The following CDH13 variants were observed in gnomAD, a reference collection of about 807,000 sequenced individuals.
CDH13 encodes cadherin-13.
In CDH13, 24 loss-of-function variants were observed where a neutral mutation model predicts 63.8. The observed-to-expected ratio is 0.38, with a 90% CI of 0.27 to 0.53. The LOEUF is 0.53. CDH13 is among the 20% of genes least tolerant of loss of function. CDH13 has a pLI of 0.85. For missense variants in CDH13, 1,049 were observed against 903.1 expected (o/e 1.16, Z -2.07); for synonymous variants, 503 against 355.3 (o/e 1.42, Z -4.67).
chr16:82,668,390 C>T (rs902023883), intron 1 of CDH13, among the ~76,000 whole-genome samples: 7 of 152,022 alleles, frequency 4.6e-5, no homozygotes, highest in African/African-American at 1.2e-4. Context: ...CTAGAGGACT[C>T]GACTTCATTC....
intron 2 of CDH13, among the ~76,000 whole-genome samples, chr16:83,005,794 G>A (rs78131511): frequency 0.032 from 4,869 of 152,264 alleles, 106 homozygotes; most frequent in Non-Finnish European, 0.045. Context: ...TGTTTATGGT[G>A]AGCTCAGTTA....
chr16:82,680,603 A>C (rs1174870600), intron 1 of CDH13, among the ~76,000 whole-genome samples: 1 of 152,224 alleles, frequency 6.6e-6, no homozygotes, highest in African/African-American at 2.4e-5. Context: ...TTACTCTGTC[A>C]GTGATCATTA....
At chr16:82,682,242 G>A (rs766394657) in intron 1 of CDH13, among the ~76,000 whole-genome samples, 9 of 152,194 alleles carry the variant, frequency 5.9e-5, no homozygotes, top group Non-Finnish European at 1.2e-4. Context: ...AGTGCTAAAA[G>A]TGCAGATTCC....
chr16:83,249,705 G>C (rs748800925), intron 5 of CDH13, among the ~76,000 whole-genome samples: 1 of 152,276 alleles, frequency 6.6e-6, no homozygotes, highest in African/African-American at 2.4e-5. Context: ...GGATATGTCT[G>C]TCTCCAATTC....
chr16:83,307,107 G>A (rs926683315), intron 5 of CDH13, among the ~76,000 whole-genome samples: 8 of 152,148 alleles, frequency 5.3e-5, no homozygotes, highest in Non-Finnish European at 8.8e-5. Context: ...AAAACTTGTG[G>A]TAACAACACA....
At chr16:82,730,330 C>A (rs768043839) in intron 1 of CDH13, among the ~76,000 whole-genome samples, 2 of 152,046 alleles carry the variant, frequency 1.3e-5, no homozygotes, top group Non-Finnish European at 2.9e-5. Flanking sequence ...TTTCCTTGAG[C>A]ATTTAGAGAC....
rs141114862 is a variant in CDH13 at position 82,956,491 on chromosome 16, C to T, written c.158-75519C>T. Among the ~76,000 whole-genome samples the T allele has an allele frequency of 3.1e-3, 468 of 151,364 alleles. 2 individuals are homozygous for T. Among genetic ancestry groups the T allele is most frequent in the Middle Eastern group, 0.02 (6 of 294 alleles). On this transcript the variant is annotated intron_variant, in intron 2 of 13. Coordinates refer to ENST00000567109, the MANE Select transcript of CDH13 (RefSeq NM_001257.5). ...GTCCATTTTCTTTAACATATCAGAGCCTTGCTCCAAATGGCAGCTGAAGGA... is the reference window on the plus strand; with the variant it reads ...GTCCATTTTCTTTAACATATCAGAGTCTTGCTCCAAATGGCAGCTGAAGGA...
chr16:83,088,026 T>A (rs1282330231), intron 3 of CDH13, among the ~76,000 whole-genome samples: 1 of 152,162 alleles, frequency 6.6e-6, no homozygotes, highest in Non-Finnish European at 1.5e-5. Flanking sequence ...GTACAAGTAT[T>A]AGGTTGGCGC....
rs1278501537 is a variant in CDH13 at position 82,691,855 on chromosome 16, G to T, written c.45+64718G>T. Among the ~76,000 whole-genome samples, 6 of 152,190 alleles carry T rather than the reference G, an allele frequency of 3.9e-5. No individual in the cohort carries two copies. The East Asian group carries it at 7.8e-4, about 20-fold the overall frequency. ...GACTAGCAGCAGCAATATCACCTGA[G>T]AACTTGCTGGAAATGCAAACCCTCA... On this transcript the variant is annotated intron_variant, in intron 1 of 13. Transcript: ENST00000567109.
intron 7 of CDH13, among the ~76,000 whole-genome samples, chr16:83,522,210 G>A (rs892878019): frequency 6.6e-6 from 1 of 152,148 alleles, no homozygotes; most frequent in Admixed American, 6.5e-5. Flanking sequence ...GCCTCCACAT[G>A]TTTATTGAAT....
chr16:82,694,875 AG>A (rs1204478240), intron 1 of CDH13, among the ~76,000 whole-genome samples: 5 of 152,162 alleles, frequency 3.3e-5, no homozygotes, highest in South Asian at 2.1e-4. Context: ...CCTATAAAGG[AG>A]GCGCCTTGGG....
At chr16:83,681,617 A>C (rs1915411853) in intron 10 of CDH13, among the ~76,000 whole-genome samples, 8 of 147,148 alleles carry the variant, frequency 5.4e-5, no homozygotes, top group African/African-American at 7.6e-5. Flanking sequence ...CTTCCCCTCC[A>C]CCCCTCTCCT....
chr16:82,643,955 G>A (rs1271443444), intron 1 of CDH13, among the ~76,000 whole-genome samples: 1 of 151,838 alleles, frequency 6.6e-6, no homozygotes, highest in Non-Finnish European at 1.5e-5. Context: ...TTGTTATGTT[G>A]CCCATGCTGG....
intron 3 of CDH13, among the ~76,000 whole-genome samples, chr16:83,078,706 G>T (rs562023111): frequency 6.6e-6 from 1 of 152,362 alleles, no homozygotes; most frequent in East Asian, 1.9e-4. Context: ...CTCTTATCAG[G>T]CTGAAAGCCA....
chr16:83,670,915 G>A lies in CDH13; in HGVS notation c.1227G>A (p.Gln409=). The A allele has an allele frequency of 6.2e-7, 1 of 1,612,690 alleles. No homozygotes were observed. The highest frequency in any genetic ancestry group is 1.1e-5 in the South Asian group (1 of 90,942). Residue 409 remains glutamine, a synonymous_variant, in exon 9 of 14, where the codon CAG becomes CAA. Coordinates refer to ENST00000567109, the MANE Select transcript of CDH13 (RefSeq NM_001257.5). ...CCATCATCAACGGAAACCCCGGGCAGAGCTTTGAAATCCACACCAACCCTC... is the reference window on the plus strand; with the variant it reads ...CCATCATCAACGGAAACCCCGGGCAAAGCTTTGAAATCCACACCAACCCTC... ...AYTIINGNPG[Q]SFEIHTNPQT... is the part of the protein sequence containing the mutation.
At chr16:83,318,715 T>C (rs2151892534) in intron 5 of CDH13, among the ~76,000 whole-genome samples, 1 of 152,306 alleles carries the variant, frequency 6.6e-6, no homozygotes, top group East Asian at 1.9e-4. Flanking sequence ...GGTTCCAGTA[T>C]GTATTTCTGA....
At chr16:83,619,995 G>C (rs1193313527) in intron 8 of CDH13, among the ~76,000 whole-genome samples, 1 of 152,114 alleles carries the variant, frequency 6.6e-6, no homozygotes, top group Non-Finnish European at 1.5e-5. Context: ...AGTCAGGGAG[G>C]GTGTGAGGCT....
chr16:83,209,295 C>G (rs1334547799), intron 4 of CDH13, among the ~76,000 whole-genome samples: 2 of 152,178 alleles, frequency 1.3e-5, no homozygotes, highest in African/African-American at 4.8e-5. Flanking sequence ...TTCCATGGGA[C>G]AGGCCAGGGG....
chr16:83,320,814 C>T (rs2090207224), intron 5 of CDH13, among the ~76,000 whole-genome samples: 1 of 152,126 alleles, frequency 6.6e-6, no homozygotes, highest in Non-Finnish European at 1.5e-5. Context: ...CAAAGTGGAG[C>T]CCATTAGATC....
Sources: allele counts gnomAD v4.1 joint callset (sites outside exome capture counted in the v4.1 genomes callset), GRCh38; gene constraint gnomAD v4.1.1; transcripts MANE v1.5; gene names NCBI Gene and HGNC (gene_info 2026-07-23, HGNC 2026-07-21).